The following PDE4D variants were observed in gnomAD, a reference collection of about 807,000 sequenced individuals.
The protein encoded by PDE4D is phosphodiesterase 4D.
A neutral mutation model predicts 87.4 loss-of-function variants in PDE4D; 24 were observed. The observed-to-expected ratio is 0.27, with a 90% CI of 0.20 to 0.39. The LOEUF (loss-of-function observed/expected upper bound fraction) is 0.39, where lower values mean the gene tolerates loss of function less well. Among genes scored for constraint, PDE4D ranks in the 10% least tolerant of loss-of-function variants. The pLI, the probability that PDE4D is intolerant of heterozygous loss-of-function variation, is 1.00. For synonymous variants in PDE4D, 384 were observed against 383.2 expected (o/e 1.00, Z -0.02); for missense variants, 714 against 1,041.0 (o/e 0.69, Z 4.32).
chr5:59,904,316 A>T (rs1428088158), intron 3 of PDE4D, among the ~76,000 whole-genome samples: 1 of 152,128 alleles, frequency 6.6e-6, no homozygotes, highest in Non-Finnish European at 1.5e-5. Flanking sequence ...CATTGAAAGG[A>T]ACTCCAGGAC....
intron 1 of PDE4D, among the ~76,000 whole-genome samples, chr5:60,221,672 C>T (rs777608921): frequency 1.3e-5 from 2 of 152,094 alleles, no homozygotes; most frequent in African/African-American, 2.4e-5. Flanking sequence ...TACAGTTCTG[C>T]CTGTTCTAGG....
At chr5:59,108,953 CAATGTGTGTGTGTGTGTGTGTGTGTG>C (rs1772124725) in intron 5 of PDE4D, among the ~76,000 whole-genome samples, 1 of 94,386 alleles carries the variant, frequency 1.1e-5, no homozygotes. Context: ...CATAGGAACT[CAATGTGTGTGTGTGTGTGTGTGTGTG>C]TGTGTGTGTG....
chr5:59,885,909 T>C (rs1750078729), intron 1 of PDE4D, among the ~76,000 whole-genome samples: 1 of 152,212 alleles, frequency 6.6e-6, no homozygotes, highest in South Asian at 2.1e-4. Flanking sequence ...TTGGCTCAAG[T>C]CCAAGTTCTA....
At chr5:59,159,478 G>C (rs929290433) in intron 5 of PDE4D, among the ~76,000 whole-genome samples, 1 of 152,068 alleles carries the variant, frequency 6.6e-6, no homozygotes, top group Non-Finnish European at 1.5e-5. Flanking sequence ...AGTCCTTGGG[G>C]GTAGGACTAT....
chr5:60,398,123 A>G (rs1430621606), intron 1 of PDE4D, among the ~76,000 whole-genome samples: 1 of 152,194 alleles, frequency 6.6e-6, no homozygotes, highest in African/African-American at 2.4e-5. Context: ...GTTGAATGCA[A>G]TAAAAAAAAT....
rs573513409 is a variant in PDE4D, at chr5:60,332,267, T to A, written c.-89-146580A>T. ...TGCATGATGCTAAGGTTTGGGCTTC[T>A]ATTGATCCTGTTGTCCAGATAGTGA... On this transcript the variant is annotated intron_variant, in intron 1 of 16. Coordinates refer to the PDE4D transcript ENST00000502484. 1.7e-4 allele frequency among the ~76,000 whole-genome samples: 26 copies of A among 152,336 alleles called. No individual in the cohort carries two copies. In the South Asian group the frequency reaches 5.2e-3, roughly 30 times the overall value.
intron 1 of PDE4D, among the ~76,000 whole-genome samples, chr5:59,284,372 T>C (rs1397799770): frequency 2.0e-5 from 3 of 152,116 alleles, no homozygotes; most frequent in African/African-American, 7.2e-5. Context: ...AATAGAAACC[T>C]GGGCCTCCAT....
intron 2 of PDE4D, among the ~76,000 whole-genome samples, chr5:60,169,674 T>C (rs1783243149): frequency 6.6e-6 from 1 of 152,050 alleles, no homozygotes; most frequent in South Asian, 2.1e-4. Context: ...AAAGTTTTCA[T>C]TAAGTCCCCA....
intron 1 of PDE4D, among the ~76,000 whole-genome samples, chr5:59,766,621 G>T (rs955248598): frequency 2.0e-5 from 3 of 152,214 alleles, no homozygotes; most frequent in East Asian, 1.9e-4. Context: ...ATAAAGCAGC[G>T]CAACCAAAAG....
rs114282293 is a variant in PDE4D at position 59,585,941 on chromosome 5, T to C, written c.455+307227A>G. ...ACCTTCTTTTAGAAATTCAGACAAA[T>C]TGATATATCAGAAATTCATGTGTGC... On this transcript the variant is annotated intron_variant, in intron 1 of 14. Transcript: ENST00000340635. Among the ~76,000 whole-genome samples the C allele has an allele frequency of 4.5e-3, 681 of 152,314 alleles. 6 individuals are homozygous for C. The highest frequency in any genetic ancestry group is 0.015 in the African/African-American group (634 of 41,576).
intron 6 of PDE4D, among the ~76,000 whole-genome samples, chr5:59,037,103 T>C (rs957822915): frequency 4.6e-5 from 7 of 152,200 alleles, no homozygotes; most frequent in African/African-American, 9.7e-5. Flanking sequence ...TCTTAACGTA[T>C]AGATTAATTC....
rs559444948 is a variant in PDE4D, at chr5:59,395,662, A to G, written c.456-179694T>C. 3.0e-3 allele frequency among the ~76,000 whole-genome samples: 431 copies of G among 142,110 alleles called. 2 individuals are homozygous for G. The highest frequency in any genetic ancestry group is 0.011 in the African/African-American group (418 of 37,294). 93.2% of individuals were successfully genotyped at this position (142,110 alleles called of 152,430 possible). On this transcript the variant is annotated intron_variant, in intron 1 of 14. Coordinates refer to ENST00000340635, the MANE Select transcript of PDE4D (RefSeq NM_001104631.2). ...CAGAACAGAAAAACTGGAAACTCTA[A>G]AAATCAGAGCGCCTCTCCTCCTCTA...
chr5:59,512,848 A>G (rs182286698), intron 1 of PDE4D, among the ~76,000 whole-genome samples: 2 of 152,284 alleles, frequency 1.3e-5, no homozygotes, highest in Middle Eastern at 3.4e-3. Context: ...ATAAAGTAAT[A>G]CCAAGGACAA....
chr5:59,912,067 C>A (rs948287041), intron 3 of PDE4D, among the ~76,000 whole-genome samples: 1 of 152,064 alleles, frequency 6.6e-6, no homozygotes, highest in African/African-American at 2.4e-5. Context: ...AATTTATGTT[C>A]AAATCCCAAC....
intron 2 of PDE4D, among the ~76,000 whole-genome samples, chr5:60,074,060 C>T (rs1773024934): frequency 6.6e-6 from 1 of 152,002 alleles, no homozygotes. Flanking sequence ...TTACTGTCTT[C>T]TGATAGTTTT....
At chr5:59,046,543 G>C (rs1038905667) in intron 5 of PDE4D, among the ~76,000 whole-genome samples, 1 of 149,386 alleles carries the variant, frequency 6.7e-6, no homozygotes, top group African/African-American at 2.5e-5. Flanking sequence ...TTGAAGATGT[G>C]TGTGTGTGTG....
chr5:59,500,903 AT>A (rs368918128), intron 1 of PDE4D, among the ~76,000 whole-genome samples: 13 of 151,426 alleles, frequency 8.6e-5, no homozygotes, highest in African/African-American at 3.1e-4. Flanking sequence ...CTCTTTCCAC[AT>A]TTTCACTTTC....
At chr5:59,956,016 T>C (rs2152807311) in intron 3 of PDE4D, among the ~76,000 whole-genome samples, 1 of 152,252 alleles carries the variant, frequency 6.6e-6, no homozygotes, top group African/African-American at 2.4e-5. Context: ...GAATAAAAGC[T>C]CACCTATAAG....
At chr5:59,020,317 A>G (rs1214829147) in intron 6 of PDE4D, among the ~76,000 whole-genome samples, 2 of 150,342 alleles carry the variant, frequency 1.3e-5, no homozygotes, top group Non-Finnish European at 3.0e-5. Flanking sequence ...TCTACTAAAA[A>G]CACAAAAAAC....
Sources: gnomAD v4.1 joint callset for allele counts (sites outside exome capture counted in the v4.1 genomes callset) on GRCh38, gnomAD v4.1.1 for gene constraint, MANE v1.5 for transcripts, NCBI Gene and HGNC (gene_info 2026-07-23, HGNC 2026-07-21) for gene names.